The following RPS15A variants were observed in gnomAD, a reference collection of about 807,000 sequenced individuals.
RPS15A encodes small ribosomal subunit protein uS8.
For synonymous variants in RPS15A, 55 were observed against 58.5 expected (o/e 0.94, Z 0.27); for missense variants, 62 against 163.4 (o/e 0.38, Z 3.38).
chr16:18,784,562 A>G (rs548266421), intron 4 of RPS15A, 176 bp downstream of exon 4: 3 of 566,812 alleles, frequency 5.3e-6, no homozygotes, highest in South Asian at 4.5e-5. Flanking sequence ...GTCTCTTTTT[A>G]AAGAGAGAGA....
intron 3 of RPS15A, 140 bp from the exon 4 acceptor site, chr16:18,784,963 C>A: frequency 1.7e-6 from 1 of 604,200 alleles, no homozygotes; most frequent in Non-Finnish European, 2.8e-6. Context: ...ATTCTGTGCA[C>A]AATGCTTGAC....
chr16:18,783,958 TC>T (rs1386003736), intron 4 of RPS15A: 1 of 281,324 alleles, frequency 3.6e-6, no homozygotes, highest in East Asian at 8.4e-5. Context: ...ATTCTGGCCC[TC>T]ATCTGGGATC....
At chr16:18,786,993 T>G (rs1473687546) in intron 3 of RPS15A, among the ~76,000 whole-genome samples, 1 of 151,960 alleles carries the variant, frequency 6.6e-6, no homozygotes, top group African/African-American at 2.4e-5. Context: ...GTCTCCGGAG[T>G]ACCTGGGATT....
intron 2 of RPS15A, among the ~76,000 whole-genome samples, chr16:18,788,370 A>G (rs929641600): frequency 2.6e-5 from 4 of 152,088 alleles, no homozygotes; most frequent in African/African-American, 9.7e-5. Flanking sequence ...GAAAGAAACT[A>G]TTTTCCCCTT....
At chr16:18,784,584 G>C in intron 4 of RPS15A, 154 bp downstream of exon 4, 7 of 629,876 alleles carry the variant, frequency 1.1e-5, no homozygotes, top group Non-Finnish European at 1.7e-5. Flanking sequence ...AAGAAATATG[G>C]ATAACACTTG....
In RPS15A at chr16:18,782,273, GTGA is replaced by G. The variant is rs1903976199; in HGVS notation, c.*733_*735del. ...ATCATGCCACTGCACTCCAGCCTGT[GTGA>G]CAGAGCGACTTTGTCTTAAAAAAAA... On this transcript the variant is annotated 3_prime_UTR_variant, in exon 5 of 5. Transcript: ENST00000322989. 1 of 99,874 alleles carries G rather than the reference GTGA, an allele frequency of 1.0e-5. No individual in the cohort carries two copies. Among genetic ancestry groups the G allele is most frequent in the African/African-American group, 3.6e-5 (1 of 27,588 alleles). 6.2% of individuals were successfully genotyped at this position (99,874 alleles called of 1,614,324 possible).
intron 2 of RPS15A, chr16:18,788,722 G>A (rs182046658): frequency 8.5e-5 from 32 of 378,122 alleles, no homozygotes; most frequent in Admixed American, 4.3e-4. Context: ...GGCTGGTCTC[G>A]AAATGAGCTC....
At chr16:18,789,482 G>T (rs1484235797) in intron 1 of RPS15A, among the ~76,000 whole-genome samples, 1 of 152,144 alleles carries the variant, frequency 6.6e-6, no homozygotes, top group Non-Finnish European at 1.5e-5. Flanking sequence ...GAAAACATCG[G>T]GTATAGTCGA....
At chr16:18,783,500 G>C in intron 4 of RPS15A, 2 of 366,918 alleles carry the variant, frequency 5.5e-6, no homozygotes, top group South Asian at 2.1e-5. Context: ...CTATTATATG[G>C]AGACGTTCAT....
At chr16:18,787,302 G>GT (rs1381635284) in intron 3 of RPS15A, among the ~76,000 whole-genome samples, 2 of 152,224 alleles carry the variant, frequency 1.3e-5, no homozygotes, top group Non-Finnish European at 2.9e-5. Context: ...AGTTGGGCCA[G>GT]TAAGGCCCCT....
At chr16:18,788,928 A>AT in intron 2 of RPS15A, 53 bp downstream of exon 2, 1 of 1,572,650 alleles carries the variant, frequency 6.4e-7, no homozygotes, top group Non-Finnish European at 8.6e-7. Context: ...TACAGGACTG[A>AT]TTTCTTAGAG....
rs917282760 is a variant in RPS15A, at chr16:18,781,661, T to C, written c.*1348A>G. On this transcript the variant is annotated 3_prime_UTR_variant, in exon 5 of 5. Transcript: ENST00000322989. The stretch of plus-strand genomic sequence containing the variant: ...CTGCTGCTGGACCCCAAAACTCATG[T>C]TAATTACCCACAGCCTCCCAAACAT... 6.6e-6 allele frequency: 1 copy of C among 151,758 alleles called. No individual in the cohort carries two copies. Among genetic ancestry groups the C allele is most frequent in the African/African-American group, 2.4e-5 (1 of 41,308 alleles). 9.4% of individuals were successfully genotyped at this position (151,758 alleles called of 1,614,324 possible).
intron 4 of RPS15A, chr16:18,783,325 C>A: frequency 1.9e-6 from 1 of 533,622 alleles, no homozygotes. Context: ...AATCACACAG[C>A]CCTGACTTCT....
At chr16:18,786,227 T>C (rs1262140455) in intron 3 of RPS15A, 4 of 224,492 alleles carry the variant, frequency 1.8e-5, no homozygotes, top group Admixed American at 1.7e-4. Context: ...TAGCCGGGCA[T>C]GGTGGCACTC....
At chr16:18,788,242 G>A (rs942939193) in intron 2 of RPS15A, 100 bp from the exon 3 acceptor site, 63 of 753,856 alleles carry the variant, frequency 8.4e-5, no homozygotes, top group African/African-American at 7.9e-4. Flanking sequence ...CATCACCTCA[G>A]TGACTGCTTC....
intron 1 of RPS15A, 47 bp from the exon 2 acceptor site, chr16:18,789,165 T>A: frequency 1.3e-6 from 2 of 1,568,076 alleles, no homozygotes; most frequent in Non-Finnish European, 1.7e-6. Flanking sequence ...ATTGCCAACA[T>A]CAACAGACAC....
At chr16:18,787,548 A>C (rs2029909025) in intron 3 of RPS15A, among the ~76,000 whole-genome samples, 1 of 152,238 alleles carries the variant, frequency 6.6e-6, no homozygotes, top group Admixed American at 6.5e-5. Context: ...CCACAAAGTC[A>C]GTTTTACTTG....
chr16:18,787,950 T>C (rs1278595002), intron 3 of RPS15A, 113 bp downstream of exon 3: 9 of 718,528 alleles, frequency 1.3e-5, no homozygotes, highest in Admixed American at 4.5e-5. Flanking sequence ...TTAAAGTAAC[T>C]GGATAAATCA....
chr16:18,783,362 G>C (rs1463308236), intron 4 of RPS15A: 1 of 473,908 alleles, frequency 2.1e-6, no homozygotes, highest in Non-Finnish European at 3.8e-6. Context: ...AAACTGCACT[G>C]AAAACAAAGG....
Sources: gnomAD v4.1 joint callset for allele counts (sites outside exome capture counted in the v4.1 genomes callset) on GRCh38, gnomAD v4.1.1 for gene constraint, MANE v1.5 for transcripts, NCBI Gene and HGNC (gene_info 2026-07-23, HGNC 2026-07-21) for gene names.